Variants in MINPP1 observed in about 807,000 individuals in gnomAD.
MINPP1 encodes multiple inositol-polyphosphate phosphatase 1.
MINPP1 carries 28 observed loss-of-function variants against 46.1 expected under a neutral mutation model. The ratio of observed to expected loss-of-function variants is 0.61; its 90% confidence interval spans 0.45 to 0.83. The LOEUF is 0.83. MINPP1 is among the 40% of genes least tolerant of loss of function. MINPP1 has a pLI of 0.00. For synonymous variants in MINPP1, 268 were observed against 249.1 expected, an observed-to-expected ratio of 1.08 and a Z score of -0.72; for missense variants, 603 against 610.0, an observed-to-expected ratio of 0.99 and a Z score of 0.12.
intron 4 of MINPP1, among the ~76,000 whole-genome samples, chr10:87,531,894 G>T (rs1851665407): frequency 6.6e-6 from 1 of 152,044 alleles, no homozygotes; most frequent in Admixed American, 6.6e-5. Flanking sequence ...AAATCCAAAA[G>T]ATTTATGGTC....
At chr10:87,523,534 T>C (rs1487760173) in intron 4 of MINPP1, among the ~76,000 whole-genome samples, 1 of 139,042 alleles carries the variant, frequency 7.2e-6, no homozygotes, top group Non-Finnish European at 1.6e-5. Flanking sequence ...TTTTTTTTTG[T>C]ATTTTTAGTA....
At chr10:87,524,985 TTACTAAAATGTGATAC>T (rs1163438083) in intron 4 of MINPP1, among the ~76,000 whole-genome samples, 4 of 101,506 alleles carry the variant, frequency 3.9e-5, no homozygotes, top group Non-Finnish European at 9.8e-5. Flanking sequence ...ATGTGATACA[TTACTAAAATGTGATAC>T]ACAAAATGAG....
intron 4 of MINPP1, among the ~76,000 whole-genome samples, chr10:87,529,664 A>C (rs1161522592): frequency 6.6e-6 from 1 of 152,166 alleles, no homozygotes; most frequent in Non-Finnish European, 1.5e-5. Flanking sequence ...ACTTTAGTGA[A>C]TCTGACAATT....
At chr10:87,534,665 C>T (rs1051498057) in intron 4 of MINPP1, among the ~76,000 whole-genome samples, 3 of 152,054 alleles carry the variant, frequency 2.0e-5, no homozygotes, top group Admixed American at 6.5e-5. Context: ...AACAGTAGAA[C>T]CGGAAGGCAA....
chr10:87,521,227 AT>A, intron 4 of MINPP1, 58 bp downstream of exon 4: 3 of 1,409,698 alleles, frequency 2.1e-6, no homozygotes, highest in Non-Finnish European at 3.0e-6. Flanking sequence ...ACTTCTGGAA[AT>A]TTTTTTATAA....
intron 4 of MINPP1, among the ~76,000 whole-genome samples, chr10:87,527,291 C>G (rs1280327138): frequency 1.3e-5 from 2 of 151,948 alleles, no homozygotes; most frequent in East Asian, 3.9e-4. Context: ...GGAGTTCACT[C>G]ATGATTTGGC....
chr10:87,548,361 C>A (rs1169234737), intron 4 of MINPP1, among the ~76,000 whole-genome samples: 1 of 152,100 alleles, frequency 6.6e-6, no homozygotes, highest in Non-Finnish European at 1.5e-5. Flanking sequence ...TAGCATGGTG[C>A]CTGGCACTTG....
At position 87,505,865 on chromosome 10, in the gene MINPP1, G is replaced by T. The variant is rs949614011; in HGVS notation, c.637+313G>T. On this transcript the variant is annotated intron_variant, in intron 1 of 4. Coordinates refer to ENST00000371996, the MANE Select transcript of MINPP1 (RefSeq NM_004897.5). The surrounding 1 kb of genome is among the most constrained non-coding windows in gnomAD (Gnocchi z 4.4). The stretch of plus-strand genomic sequence containing the variant: ...AGACGAGGTCTCCCGCAATTTTTGC[G>T]CTCCCGTTCCCAAACTGAATTGCCC... Among the ~76,000 whole-genome samples, 9 of 152,062 alleles carry T rather than the reference G, an allele frequency of 5.9e-5. No homozygotes were observed. The highest frequency in any genetic ancestry group is 2.2e-4 in the African/African-American group (9 of 41,378).
intron 2 of MINPP1, 110 bp downstream of exon 2, chr10:87,508,643 A>G: frequency 9.3e-7 from 1 of 1,073,774 alleles, no homozygotes; most frequent in South Asian, 1.4e-5. Context: ...ATTGATCTAC[A>G]TTAAGAAAAT....
At chr10:87,506,020 C>CTTT (rs568866798) in intron 1 of MINPP1, among the ~76,000 whole-genome samples, 1 of 142,948 alleles carries the variant, frequency 7.0e-6, no homozygotes, top group Admixed American at 7.0e-5. Flanking sequence ...TTCCTTCTTT[C>CTTT]TTTTTTTTTT....
At chr10:87,551,528 C>A (rs976158793) in intron 4 of MINPP1, among the ~76,000 whole-genome samples, 1 of 152,044 alleles carries the variant, frequency 6.6e-6, no homozygotes, top group Non-Finnish European at 1.5e-5. Context: ...CACATTGTTT[C>A]AGCCACAATA....
intron 4 of MINPP1, among the ~76,000 whole-genome samples, chr10:87,529,682 T>C (rs981164378): frequency 2.0e-5 from 3 of 152,234 alleles, no homozygotes; most frequent in African/African-American, 7.2e-5. Context: ...ATTATGTGTC[T>C]TGGAGTTGCT....
chr10:87,521,240 G>A, intron 4 of MINPP1, 71 bp downstream of exon 4: 1 of 1,240,730 alleles, frequency 8.1e-7, no homozygotes. Context: ...TTTTTATAAT[G>A]AGTAATTTTA....
At chr10:87,520,498 T>C (rs994327320) in intron 3 of MINPP1, among the ~76,000 whole-genome samples, 11 of 152,160 alleles carry the variant, frequency 7.2e-5, no homozygotes, top group African/African-American at 2.4e-4. Flanking sequence ...CTTTTATTAT[T>C]ATTTTTTCAC....
In MINPP1 at chr10:87,521,028, T is replaced by A; in HGVS notation, c.934-8T>A. 1.1e-6 allele frequency: 1 copy of A among 947,052 alleles called. No homozygotes were observed. Among genetic ancestry groups the A allele is most frequent in the South Asian group, 1.5e-5 (1 of 66,596 alleles). The allele number at this position is 947,052 out of a possible 1,614,324, so 58.7% of individuals were successfully genotyped here. A position where few individuals can be genotyped will look rare whatever the true frequency, so the allele number is the denominator to read the frequency against. ...AATATATTAGAAATTATTTTTGAAT[T>A]TTTTTAGGTATTAGAATATTTAAAT... On this transcript the variant is annotated splice_region_variant and splice_polypyrimidine_tract_variant and intron_variant, in intron 3 of 4. Transcript: ENST00000371996.
At chr10:87,517,914 A>C (rs1395070107) in intron 3 of MINPP1, among the ~76,000 whole-genome samples, 1 of 150,550 alleles carries the variant, frequency 6.6e-6, no homozygotes, top group African/African-American at 2.4e-5. Context: ...CACTTGCCTC[A>C]GCCTCCCAAA....
chr10:87,535,174 A>G (rs1851715704), intron 4 of MINPP1, among the ~76,000 whole-genome samples: 2 of 152,240 alleles, frequency 1.3e-5, no homozygotes, highest in South Asian at 4.1e-4. Context: ...TTGACACTGT[A>G]GTGTAATGGA....
rs371600898 is a variant in MINPP1 at position 87,513,113 on chromosome 10, T to C, written c.836-11T>C. ...AATGACCCACAAAATTTTACCTTTT[T>C]TTCCCCCCAGATTTAATTCAAGTAG... On this transcript the variant is annotated splice_polypyrimidine_tract_variant and intron_variant, in intron 2 of 4. Coordinates refer to ENST00000371996, the MANE Select transcript of MINPP1 (RefSeq NM_004897.5). 1.9e-6 allele frequency: 3 copies of C among 1,610,820 alleles called. No individual in the cohort carries two copies. The highest frequency in any genetic ancestry group is 1.7e-6 in the Non-Finnish European group (2 of 1,177,256).
chr10:87,541,301 G>C (rs1220104899), intron 4 of MINPP1, among the ~76,000 whole-genome samples: 2 of 152,128 alleles, frequency 1.3e-5, no homozygotes, highest in Non-Finnish European at 2.9e-5. Flanking sequence ...AAACAATGAA[G>C]TAGAAATTTG....
Sources: gnomAD v4.1 joint callset for allele counts (sites outside exome capture counted in the v4.1 genomes callset) on GRCh38, gnomAD v4.1.1 for gene constraint, Gnocchi (gnomAD v3.1) non-coding constraint, MANE v1.5 for transcripts, NCBI Gene and HGNC (gene_info 2026-07-23, HGNC 2026-07-21) for gene names.